Variants in ZBTB34 observed in about 807,000 individuals in gnomAD.
The protein encoded by ZBTB34 is zinc finger and BTB domain containing 34.
In ZBTB34, 1 loss-of-function variant was observed where a neutral mutation model predicts 33.4. That is an observed-to-expected ratio of 0.03 (90% CI 0.01 to 0.14). The LOEUF is 0.14. Among genes scored for constraint, ZBTB34 ranks in the 10% least tolerant of loss-of-function variants. The pLI, the probability that ZBTB34 is intolerant of heterozygous loss-of-function variation, is 1.00. For missense variants in ZBTB34, 406 were observed against 657.2 expected (o/e 0.62, Z 4.18); for synonymous variants, 283 against 253.5 (o/e 1.12, Z -1.11).
exon 2 of ZBTB34, chr9:126,881,341 T>A (rs1006802819): frequency 6.0e-6 from 1 of 165,634 alleles, no homozygotes; most frequent in African/African-American, 2.4e-5. Context: ...TAAAATTCCT[T>A]TTAGGGGGTA....
chr9:126,881,057 TC>T, exon 2 of ZBTB34: 1 of 949,662 alleles, frequency 1.1e-6, no homozygotes, highest in Middle Eastern at 3.3e-4. Context: ...ATGGAACACT[TC>T]GTTGTGTTTA....
chr9:126,881,133 A>G, exon 2 of ZBTB34: 1 of 551,368 alleles, frequency 1.8e-6, no homozygotes, highest in South Asian at 2.2e-5. Flanking sequence ...TCCAGGGAAA[A>G]CACAGGCTGA....
intron 1 of ZBTB34, among the ~76,000 whole-genome samples, chr9:126,865,175 G>A (rs948582491): frequency 2.6e-5 from 4 of 152,250 alleles, no homozygotes; most frequent in Non-Finnish European, 2.9e-5. Context: ...ATAAGCCACC[G>A]TGCTAGATTT....
At chr9:126,862,227 C>T (rs1428493724) in intron 1 of ZBTB34, among the ~76,000 whole-genome samples, 1 of 152,072 alleles carries the variant, frequency 6.6e-6, no homozygotes, top group Non-Finnish European at 1.5e-5. Flanking sequence ...AGTGAATAGA[C>T]CAGTCTCCTG....
intron 1 of ZBTB34, among the ~76,000 whole-genome samples, chr9:126,871,366 C>CTT (rs575246185): frequency 2.0e-4 from 28 of 137,076 alleles, no homozygotes; most frequent in South Asian, 1.9e-3. Context: ...GATTTTTTTT[C>CTT]TTTTTTTTTT....
intron 1 of ZBTB34, chr9:126,863,688 A>G (rs1359974266): frequency 5.1e-6 from 5 of 985,222 alleles, no homozygotes; most frequent in African/African-American, 1.7e-5. Context: ...GGCAAGGAAA[A>G]CCTCATGGAA....
intron 1 of ZBTB34, among the ~76,000 whole-genome samples, chr9:126,872,546 A>AG (rs2033294590): frequency 6.6e-6 from 1 of 152,204 alleles, no homozygotes; most frequent in African/African-American, 2.4e-5. Flanking sequence ...AGAGGGATAG[A>AG]GGATCATATT....
intron 1 of ZBTB34, among the ~76,000 whole-genome samples, chr9:126,871,324 A>C (rs2033276017): frequency 6.6e-6 from 1 of 151,656 alleles, no homozygotes; most frequent in Admixed American, 6.6e-5. Flanking sequence ...GTTAGAAAAA[A>C]ATAGGTCAGC....
Position 126,879,909 on chromosome 9 carries a change from A to T in ZBTB34, c.510A>T (p.Pro170=), listed in dbSNP as rs763847482. Residue 170 remains proline, a synonymous_variant, in exon 2 of 2, where the codon CCA becomes CCT. Transcript: ENST00000319119. This position sits in a 1 kb window ranked among gnomAD's most constrained non-coding sequence, Gnocchi z 6.4. ...CCAACCCAGTGGAGATCTCTCCTCC[A>T]TATTGCTCTCAGGGACGGCAGCCCA... 6.2e-7 allele frequency: 1 copy of T among 1,611,040 alleles called. No individual in the cohort carries two copies. Among genetic ancestry groups the T allele is most frequent in the Non-Finnish European group, 8.5e-7 (1 of 1,179,152 alleles).
chr9:126,865,101 G>T (rs750854338), intron 1 of ZBTB34, among the ~76,000 whole-genome samples: 6 of 152,174 alleles, frequency 3.9e-5, no homozygotes, highest in African/African-American at 9.7e-5. Context: ...AGTGTAACTG[G>T]ATATTTTTAA....
intron 1 of ZBTB34, among the ~76,000 whole-genome samples, chr9:126,878,778 C>T (rs2033396552): frequency 6.7e-6 from 1 of 149,106 alleles, no homozygotes; most frequent in Non-Finnish European, 1.5e-5. Context: ...GGCTGGGATG[C>T]AGTGGTGTGC....
At chr9:126,876,191 CCT>C (rs1436511498) in intron 1 of ZBTB34, among the ~76,000 whole-genome samples, 1 of 208 alleles carries the variant, frequency 4.8e-3, no homozygotes, top group Non-Finnish European at 7.0e-3. Flanking sequence ...TTCCCCCTTC[CCT>C]CCTTTCCCCC....
At chr9:126,885,209 G>C (rs893913009) in exon 2 of ZBTB34, 3 of 167,026 alleles carry the variant, frequency 1.8e-5, no homozygotes, top group Non-Finnish European at 4.4e-5. Context: ...TTCTCGGCCC[G>C]GAAGAGAACC....
chr9:126,873,730 G>A (rs957000528), intron 1 of ZBTB34, among the ~76,000 whole-genome samples: 10 of 151,836 alleles, frequency 6.6e-5, no homozygotes, highest in Admixed American at 5.9e-4. Flanking sequence ...TCGGCCTCCC[G>A]AGTAGCTGGA....
intron 1 of ZBTB34, among the ~76,000 whole-genome samples, chr9:126,877,194 C>T (rs1000916319): frequency 1.4e-4 from 21 of 152,072 alleles, no homozygotes; most frequent in African/African-American, 5.1e-4. Flanking sequence ...TTTCGAAACT[C>T]CCAACATTTC....
chr9:126,866,119 C>T (rs2033197350), intron 1 of ZBTB34, among the ~76,000 whole-genome samples: 1 of 152,084 alleles, frequency 6.6e-6, no homozygotes, highest in Admixed American at 6.5e-5. Flanking sequence ...TCTCAGCCTT[C>T]TCTCTTTTTT....
At chr9:126,866,852 T>TCTCCTTAGTCCTTCCCC (rs1461295955) in intron 1 of ZBTB34, among the ~76,000 whole-genome samples, 2 of 152,128 alleles carry the variant, frequency 1.3e-5, no homozygotes, top group African/African-American at 4.8e-5. Context: ...TTCCCTTCCC[T>TCTCCTTAGTCCTTCCCC]CTCCTTAGTC....
At chr9:126,881,356 G>C (rs1396729643) in exon 2 of ZBTB34, 32 of 163,142 alleles carry the variant, frequency 2.0e-4, no homozygotes, top group Non-Finnish European at 1.5e-5. Context: ...GGGGTAGTTA[G>C]ACAATTTATA....
intron 1 of ZBTB34, among the ~76,000 whole-genome samples, chr9:126,862,842 C>T (rs1267778078): frequency 6.6e-6 from 1 of 151,640 alleles, no homozygotes; most frequent in East Asian, 1.9e-4. Context: ...TGGGGCTGGA[C>T]TTCTATAATA....
Sources: allele counts gnomAD v4.1 joint callset (sites outside exome capture counted in the v4.1 genomes callset), GRCh38; gene constraint gnomAD v4.1.1; non-coding constraint Gnocchi (gnomAD v3.1); transcripts MANE v1.5; gene names NCBI Gene and HGNC (gene_info 2026-07-23, HGNC 2026-07-21).